The following PANX2 variants were observed in gnomAD, a reference collection of about 807,000 sequenced individuals.
PANX2 encodes the protein pannexin 2.
Under a neutral mutation model 38.7 loss-of-function variants are expected in PANX2, and 30 were observed. The observed-to-expected ratio is 0.78, with a 90% CI of 0.58 to 1.05. The LOEUF (loss-of-function observed/expected upper bound fraction) is 1.05, where lower values mean the gene tolerates loss of function less well. Ranked by LOEUF, PANX2 falls within the 50% of genes least tolerant of loss-of-function variation. PANX2 has a pLI of 0.00. For missense variants in PANX2, 880 were observed against 979.3 expected, an observed-to-expected ratio of 0.90 and a Z score of 1.35; for synonymous variants, 539 against 472.1, an observed-to-expected ratio of 1.14 and a Z score of -1.84.
rs757079114 is a variant in PANX2 at position 50,179,003 on chromosome 22, G to T, written c.1760G>T (p.Gly587Val). ...EPARAGLPSG[G>V]PFHVRSPPAA... ...GCCCGGGCAGGGCTTCCCTCGGGGG[G>T]CCCGTTCCACGTCCGCTCACCTCCC... The change falls in exon 3 of 3, where the codon GGC becomes GTC. Residue 587 changes from glycine (G) to valine (V), a missense_variant. Coordinates refer to ENST00000395842, the MANE Select transcript of PANX2 (RefSeq NM_052839.4). 1.4e-5 allele frequency: 23 copies of T among 1,609,608 alleles called. No homozygotes were observed. Among genetic ancestry groups the T allele is most frequent in the Non-Finnish European group, 4.2e-6 (5 of 1,178,340 alleles).
chr22:50,177,434 C>T lies in PANX2; in HGVS notation c.722C>T (p.Pro241Leu). Residue 241 changes from proline (P) to leucine (L), a missense_variant, in exon 2 of 3, where the codon CCC becomes CTC. This residue lies in a region of PANX2 where 114 missense variants were observed against 108.8 expected (regional missense o/e 1.05). Transcript: ENST00000395842. ...HVLILLLSAV[P>L]ISYLCTYYAT... Reference sequence around the variant, plus strand: ...CTGATCCTGCTGCTGAGCGCCGTGCCCATCTCCTACCTGTGCACCTACTAC... The same window carrying T: ...CTGATCCTGCTGCTGAGCGCCGTGCTCATCTCCTACCTGTGCACCTACTAC... The T allele has an allele frequency of 6.2e-7, 1 of 1,608,574 alleles. No homozygotes were observed. The highest frequency in any genetic ancestry group is 1.1e-5 in the South Asian group (1 of 90,568).
At position 50,178,193 on chromosome 22, in the gene PANX2, G is replaced by GGCCCCCCCC; in HGVS notation, c.1481_1482insGCCCCCCCC (p.Pro495_Ala496insProProPro). ...GGCGGAGGGGGCGACCCGGGCCCCG[G>GGCCCCCCCC]CCCCGCCCCTGCCCCCGCCCCGCCG... On this transcript the variant is annotated inframe_insertion, in exon 2 of 3. Coordinates refer to ENST00000395842, the MANE Select transcript of PANX2 (RefSeq NM_052839.4). 6.8e-7 allele frequency: 1 copy of GGCCCCCCCC among 1,465,220 alleles called. No individual in the cohort carries two copies. The highest frequency in any genetic ancestry group is 8.9e-7 in the Non-Finnish European group (1 of 1,118,984). 90.8% of individuals were successfully genotyped at this position (1,465,220 alleles called of 1,614,324 possible). A position where few individuals can be genotyped will look rare whatever the true frequency, so the allele number is the denominator to read the frequency against.
rs549478688 is a variant in PANX2, at chr22:50,175,141, G to T, written c.227-1798G>T. The stretch of plus-strand genomic sequence containing the variant: ...CCATCCGGCAGGGAGACAGTGACAG[G>T]CATGAGGAGTTCGGGTCCAAGTGGG... On this transcript the variant is annotated intron_variant, in intron 1 of 2. Coordinates refer to ENST00000395842, the MANE Select transcript of PANX2 (RefSeq NM_052839.4). Among the ~76,000 whole-genome samples, 3 of 152,318 alleles carry T rather than the reference G, an allele frequency of 2.0e-5. No individual in the cohort carries two copies. The South Asian group carries it at 6.2e-4, about 32-fold the overall frequency.
chr22:50,175,906 C>T (rs965779872), intron 1 of PANX2, among the ~76,000 whole-genome samples: 7 of 152,256 alleles, frequency 4.6e-5, no homozygotes, highest in Non-Finnish European at 1.0e-4. Flanking sequence ...GTCCCTAATT[C>T]AGGCCTCGGC....
Position 50,178,355 on chromosome 22 carries a change from C to A in PANX2, c.1643C>A (p.Ser548Tyr). 6.7e-7 allele frequency: 1 copy of A among 1,489,948 alleles called. No individual in the cohort carries two copies. The allele number at this position is 1,489,948 out of a possible 1,614,324, so 92.3% of individuals were successfully genotyped here. Residue 548 changes from serine (S) to tyrosine (Y), a missense_variant, in exon 2 of 3, where the codon TCC (serine) becomes TAC (tyrosine). Transcript: ENST00000395842. ...CGGAGCCAGGAGGGGGGCTTCCTGT[C>A]CCAGGCGGAGGACTGTGGGCTAGGC... Reference protein sequence around the residue: ...ASRSQEGGFLSQAEDCGLGLA... With the variant: ...ASRSQEGGFLYQAEDCGLGLA...
intron 1 of PANX2, 52 bp from the exon 2 acceptor site, chr22:50,176,887 G>GCCCAGCCCGTGCGCCTCCCCGC: frequency 1.4e-6 from 2 of 1,466,044 alleles, no homozygotes; most frequent in South Asian, 1.4e-5. Flanking sequence ...GGTTTCTTCA[G>GCCCAGCCCGTGCGCCTCCCCGC]CCCAGCCCGT....
Position 50,179,006 on chromosome 22 carries a change from C to G in PANX2, c.1763C>G (p.Pro588Arg), listed in dbSNP as rs375447256. The G allele has an allele frequency of 7.5e-6, 12 of 1,609,936 alleles. No individual in the cohort carries two copies. In the Admixed American group the frequency reaches 8.4e-5, roughly 11 times the overall value. The change falls in exon 3 of 3, where the codon CCG (proline) becomes CGG (arginine). Residue 588 changes from proline (P) to arginine (R), a missense_variant. By Grantham distance (103) the Pro-to-Arg change is moderately radical. Around this residue, in one of 4 missense-constraint regions of PANX2, gnomAD observed 445 missense variants for 404.3 expected, o/e 1.10. Coordinates refer to ENST00000395842, the MANE Select transcript of PANX2 (RefSeq NM_052839.4). ...CGGGCAGGGCTTCCCTCGGGGGGCCCGTTCCACGTCCGCTCACCTCCCGCC... is the reference window on the plus strand; with the variant it reads ...CGGGCAGGGCTTCCCTCGGGGGGCCGGTTCCACGTCCGCTCACCTCCCGCC... ...PARAGLPSGGPFHVRSPPAAP... is the reference protein window; with the variant it reads ...PARAGLPSGGRFHVRSPPAAP...
chr22:50,177,719 G>C lies in PANX2; in HGVS notation c.1007G>C (p.Trp336Ser). Reference sequence around the variant, plus strand: ...GTGGGCATCAAGACGCGCCGGCAGTGGCGCCGCTCGCAGTTCTGCGACATC... The same window carrying C: ...GTGGGCATCAAGACGCGCCGGCAGTCGCGCCGCTCGCAGTTCTGCGACATC... ...HKVGIKTRRQ[W>S]RRSQFCDINI... Residue 336 changes from tryptophan to serine, a missense_variant, in exon 2 of 3, where the codon TGG (tryptophan) becomes TCG (serine). Trp to Ser is a radical substitution (Grantham distance 177). Coordinates refer to ENST00000395842, the MANE Select transcript of PANX2 (RefSeq NM_052839.4). 6.2e-7 allele frequency: 1 copy of C among 1,610,336 alleles called. No homozygotes were observed. The highest frequency in any genetic ancestry group is 8.5e-7 in the Non-Finnish European group (1 of 1,179,526).
At position 50,178,036 on chromosome 22, in the gene PANX2, C is replaced by T; in HGVS notation, c.1324C>T (p.Pro442Ser). ...WIPTSNPLPQPFKEPLAIMRV... is the reference protein window; with the variant it reads ...WIPTSNPLPQSFKEPLAIMRV... The stretch of plus-strand genomic sequence containing the variant: ...CCCCACCAGCAACCCGCTTCCGCAG[C>T]CCTTCAAGGAGCCGCTGGCCATCAT... Residue 442 changes from proline to serine, a missense_variant, in exon 2 of 3, where the codon CCC becomes TCC. Transcript: ENST00000395842. 1 of 1,550,270 alleles carries T rather than the reference C, an allele frequency of 6.5e-7. No homozygotes were observed. The highest frequency in any genetic ancestry group is 8.7e-7 in the Non-Finnish European group (1 of 1,154,458).
chr22:50,171,040 C>T, intron 1 of PANX2, 84 bp downstream of exon 1: 3 of 658,156 alleles, frequency 4.6e-6, no homozygotes, highest in South Asian at 3.3e-5. Flanking sequence ...GCGTCCCCGG[C>T]GGCTCCGTCC....
intron 2 of PANX2, 97 bp from the exon 3 acceptor site, chr22:50,178,837 C>G (rs1358088370): frequency 2.7e-6 from 3 of 1,107,200 alleles, no homozygotes; most frequent in Non-Finnish European, 3.8e-6. Context: ...GCTTCAGAGC[C>G]GTGAGCCCTG....
Position 50,179,562 on chromosome 22 carries a change from C to T in PANX2, c.*285C>T. 1 of 470,052 alleles carries T rather than the reference C, an allele frequency of 2.1e-6. No individual in the cohort carries two copies. The highest frequency in any genetic ancestry group is 3.8e-6 in the Non-Finnish European group (1 of 262,876). 29.1% of individuals were successfully genotyped at this position (470,052 alleles called of 1,614,324 possible). A position where few individuals can be genotyped will look rare whatever the true frequency, so the allele number is the denominator to read the frequency against. ...GCTTCCCATGCTCCTGCATCAGGTGCCCAGCCGTGGGTGGGGGCCCTGAGG... is the reference window on the plus strand; with the variant it reads ...GCTTCCCATGCTCCTGCATCAGGTGTCCAGCCGTGGGTGGGGGCCCTGAGG... On this transcript the variant is annotated 3_prime_UTR_variant, in exon 3 of 3. Transcript: ENST00000395842.
At chr22:50,178,825 G>A (rs1290176400) in intron 2 of PANX2, 109 bp from the exon 3 acceptor site, 2 of 929,770 alleles carry the variant, frequency 2.2e-6, no homozygotes, top group Non-Finnish European at 3.2e-6. Context: ...CGTCTCCAGG[G>A]CGCTTCAGAG....
At chr22:50,174,548 G>T (rs1228890671) in intron 1 of PANX2, among the ~76,000 whole-genome samples, 3 of 152,208 alleles carry the variant, frequency 2.0e-5, no homozygotes, top group Non-Finnish European at 2.9e-5. Flanking sequence ...GGAAGCCAGT[G>T]TCCTCTCGGG....
chr22:50,178,688 C>T (rs1000244948), intron 2 of PANX2, among the ~76,000 whole-genome samples: 5 of 152,200 alleles, frequency 3.3e-5, no homozygotes, highest in Non-Finnish European at 5.9e-5. Flanking sequence ...CTTCCTAGAG[C>T]TCCGCGTGCG....
rs1296880081 is a variant in PANX2, at chr22:50,179,800, C to T, written c.*523C>T. The T allele has an allele frequency of 6.3e-6, 1 of 157,792 alleles. No individual in the cohort carries two copies. Among genetic ancestry groups the T allele is most frequent in the Non-Finnish European group, 1.4e-5 (1 of 71,314 alleles). The allele number at this position is 157,792 out of a possible 1,614,324, so 9.8% of individuals were successfully genotyped here. A position where few individuals can be genotyped will look rare whatever the true frequency, so the allele number is the denominator to read the frequency against. ...CTCGGGTGGGAGGGACCGAGGTCCA[C>T]CCTCGGGTCAAAGGTCAACGTGCAC... On this transcript the variant is annotated 3_prime_UTR_variant, in exon 3 of 3. Transcript: ENST00000395842.
rs1287328699 is a variant in PANX2 at position 50,170,972 on chromosome 22, G to A, written c.226+16G>A. ...AACTTCGCAGGTGAGGCCGGCGGCC[G>A]GGGCGCGGGGCGCGGGCAGAGGGGG... On this transcript the variant is annotated intron_variant, in intron 1 of 2. Transcript: ENST00000395842. The A allele has an allele frequency of 2.9e-6, 4 of 1,379,240 alleles. No homozygotes were observed. Among genetic ancestry groups the A allele is most frequent in the Non-Finnish European group, 3.9e-6 (4 of 1,027,720 alleles). The allele number at this position is 1,379,240 out of a possible 1,614,324, so 85.4% of individuals were successfully genotyped here. A position where few individuals can be genotyped will look rare whatever the true frequency, so the allele number is the denominator to read the frequency against.
Position 50,179,319 on chromosome 22 carries a change from G to A in PANX2, c.*42G>A, listed in dbSNP as rs537624611. 118 of 1,560,720 alleles carry A rather than the reference G, an allele frequency of 7.6e-5. 2 individuals are homozygous for A. In the South Asian group the frequency reaches 8.4e-4, roughly 11 times the overall value. ...GGCCGCCGAGAGCCCCTCTGCCTGT[G>A]TCGTGTGGCCTGGCCAGCCTCCCGG... On this transcript the variant is annotated 3_prime_UTR_variant, in exon 3 of 3. Transcript: ENST00000395842.
In PANX2 at chr22:50,178,091, C is replaced by T. The variant is rs1168905471; in HGVS notation, c.1379C>T (p.Pro460Leu). 6 of 1,550,304 alleles carry T rather than the reference C, an allele frequency of 3.9e-6. No homozygotes were observed. Among genetic ancestry groups the T allele is most frequent in the East Asian group, 2.4e-5 (1 of 41,640 alleles). ...MRVENSKAEK[P>L]KPARRKTATD... is the part of the protein sequence containing the mutation. ...GTGGAGAACAGCAAGGCGGAGAAGC[C>T]GAAGCCCGCGCGCAGGAAGACGGCC... is the stretch of plus-strand genomic sequence containing the variant. Residue 460 changes from proline (P) to leucine (L), a missense_variant, in exon 2 of 3, where the codon CCG (proline) becomes CTG (leucine). Pro to Leu is a moderately conservative substitution (Grantham distance 98). Around this residue, in one of 4 missense-constraint regions of PANX2, gnomAD observed 445 missense variants for 404.3 expected, o/e 1.10. Transcript: ENST00000395842.
Sources: allele counts gnomAD v4.1 joint callset (sites outside exome capture counted in the v4.1 genomes callset), GRCh38; gene constraint gnomAD v4.1.1; regional missense constraint gnomAD v4.1.1; transcripts MANE v1.5; gene names NCBI Gene and HGNC (gene_info 2026-07-23, HGNC 2026-07-21).